The following TCF20 variants were observed in gnomAD, a reference collection of about 807,000 sequenced individuals.
TCF20 encodes the protein transcription factor 20, also known as SPRE-binding protein.
TCF20 carries 3 observed loss-of-function variants against 148.6 expected under a neutral mutation model. The observed-to-expected ratio is 0.02, with a 90% CI of 0.01 to 0.05. The LOEUF is 0.05. TCF20 is among the 10% of genes least tolerant of loss of function. TCF20 has a pLI of 1.00. For missense variants in TCF20, 2,350 were observed against 2,429.3 expected, an observed-to-expected ratio of 0.97 and a Z score of 0.69; for synonymous variants, 1,049 against 909.5, an observed-to-expected ratio of 1.15 and a Z score of -2.76.
intron 1 of TCF20, among the ~76,000 whole-genome samples, chr22:42,230,282 G>A (rs1368854334): frequency 2.6e-5 from 4 of 152,180 alleles, no homozygotes; most frequent in Non-Finnish European, 5.9e-5. Flanking sequence ...CTATTGCCTG[G>A]TGATGCTGTA....
chr22:42,240,555 G>A (rs1202606274), intron 1 of TCF20, among the ~76,000 whole-genome samples: 1 of 152,154 alleles, frequency 6.6e-6, no homozygotes, highest in Non-Finnish European at 1.5e-5. Flanking sequence ...TAACAAGATA[G>A]TGAGATATTA....
chr22:42,260,806 C>T (rs941995441), intron 1 of TCF20, among the ~76,000 whole-genome samples: 2 of 152,102 alleles, frequency 1.3e-5, no homozygotes, highest in African/African-American at 4.8e-5. Flanking sequence ...TTGAATATAA[C>T]GCGAACAGAA....
intron 5 of TCF20, 118 bp downstream of exon 5, chr22:42,168,491 C>T: frequency 5.8e-6 from 8 of 1,391,150 alleles, no homozygotes; most frequent in South Asian, 1.4e-5. Context: ...ATCCACCTGG[C>T]GTTGTCATCC....
chr22:42,216,575 A>G (rs1569156910), intron 1 of TCF20, among the ~76,000 whole-genome samples: 1 of 152,218 alleles, frequency 6.6e-6, no homozygotes, highest in Non-Finnish European at 1.5e-5. Flanking sequence ...GCCAGTGAAT[A>G]GCAGTGACTA....
intron 1 of TCF20, among the ~76,000 whole-genome samples, chr22:42,315,101 A>G (rs1480806459): frequency 6.6e-6 from 1 of 152,094 alleles, no homozygotes; most frequent in Non-Finnish European, 1.5e-5. Context: ...GAATGGTCTG[A>G]GGAGACCCAA....
At chr22:42,174,607 T>C (rs1202291701) in intron 3 of TCF20, among the ~76,000 whole-genome samples, 1 of 152,192 alleles carries the variant, frequency 6.6e-6, no homozygotes, top group African/African-American at 2.4e-5. Flanking sequence ...AATCCTCATA[T>C]ATAGCTGGGC....
At chr22:42,273,099 G>A (rs1601687082), upstream of TCF20, among the ~76,000 whole-genome samples, 2 of 151,966 alleles carry the variant, frequency 1.3e-5, no homozygotes, top group African/African-American at 4.8e-5. Context: ...AGTGGCTTAC[G>A]CCTGTAATCC....
intron 1 of TCF20, among the ~76,000 whole-genome samples, chr22:42,282,701 G>C (rs553928278): frequency 6.6e-6 from 1 of 152,216 alleles, no homozygotes; most frequent in Non-Finnish European, 1.5e-5. Context: ...CTGGGAGGGA[G>C]GCCGGAGAGC....
At chr22:42,300,637 G>A (rs1927320806) in intron 1 of TCF20, among the ~76,000 whole-genome samples, 1 of 152,146 alleles carries the variant, frequency 6.6e-6, no homozygotes, top group South Asian at 2.1e-4. Context: ...GCAGCCCAAG[G>A]GGCAGGGCTG....
intron 2 of TCF20, among the ~76,000 whole-genome samples, chr22:42,188,105 C>G (rs1199805642): frequency 6.6e-6 from 1 of 151,770 alleles, no homozygotes; most frequent in African/African-American, 2.4e-5. Flanking sequence ...ACCAGGCTGG[C>G]CAACACAGTG....
intron 1 of TCF20, among the ~76,000 whole-genome samples, chr22:42,243,172 GA>G (rs1211726237): frequency 6.6e-6 from 1 of 151,468 alleles, no homozygotes; most frequent in Non-Finnish European, 1.5e-5. Flanking sequence ...ATACAACAAA[GA>G]ATGAACTCAA....
At chr22:42,183,708 A>G (rs1936896760) in intron 2 of TCF20, among the ~76,000 whole-genome samples, 1 of 152,116 alleles carries the variant, frequency 6.6e-6, no homozygotes, top group Admixed American at 6.5e-5. Context: ...TGTTATGACA[A>G]TGATAGAAAA....
Position 42,216,079 on chromosome 22 carries a change from CTTTTTTTTT to C in TCF20, c.-36-747_-36-739del, listed in dbSNP as rs759118027. 4.0e-3 allele frequency among the ~76,000 whole-genome samples: 204 copies of C among 50,572 alleles called. 2 individuals carry two copies. The highest frequency in any genetic ancestry group is 4.3e-3 in the Non-Finnish European group (121 of 28,386). The allele number at this position is 50,572 out of a possible 152,430, so 33.2% of individuals were successfully genotyped here. On this transcript the variant is annotated intron_variant, in intron 1 of 5. Transcript: ENST00000677622. ...GGTGTGGGGTAAGAAAAACCAAATC[CTTTTTTTTT>C]TTTTTTTTTTTTTTTTTTTGAGACA...
intron 3 of TCF20, among the ~76,000 whole-genome samples, chr22:42,176,156 T>C (rs776843326): frequency 1.3e-5 from 2 of 152,258 alleles, no homozygotes; most frequent in African/African-American, 2.4e-5. Context: ...TCAAGCTGCC[T>C]TTCAGTCCAC....
chr22:42,236,428 G>C (rs1031735192), intron 1 of TCF20, among the ~76,000 whole-genome samples: 1 of 152,126 alleles, frequency 6.6e-6, no homozygotes, highest in East Asian at 1.9e-4. Context: ...AATTCACAAT[G>C]AAGAATGCCG....
intron 3 of TCF20, among the ~76,000 whole-genome samples, chr22:42,175,261 C>T (rs1213131064): frequency 6.6e-6 from 1 of 152,144 alleles, no homozygotes; most frequent in East Asian, 1.9e-4. Flanking sequence ...GAACTCCTGG[C>T]CTCAAGTGAT....
Position 42,211,891 on chromosome 22 carries a change from C to T in TCF20, c.3415G>A (p.Asp1139Asn). The change falls in exon 2 of 6, where the codon GAC becomes AAC. Residue 1139 changes from aspartate to asparagine, a missense_variant. Around this residue, in one of 7 missense-constraint regions of TCF20, gnomAD observed 1,641 missense variants for 1,662.6 expected, o/e 0.99. Coordinates refer to ENST00000677622, the MANE Select transcript of TCF20 (RefSeq NM_001378418.1). ...GGGCCATACATCATACCATCTTTGTCATTTTTCAGAGGGCTCCGTACTCTG... is the reference window on the plus strand; with the variant it reads ...GGGCCATACATCATACCATCTTTGTTATTTTTCAGAGGGCTCCGTACTCTG... ...LDRVRSPLKN[D>N]KDGMMYGPPV... 6.2e-7 allele frequency: 1 copy of T among 1,614,164 alleles called. No individual in the cohort carries two copies. Among genetic ancestry groups the T allele is most frequent in the Non-Finnish European group, 8.5e-7 (1 of 1,180,026 alleles).
At chr22:42,183,422 T>C (rs1368292339) in intron 2 of TCF20, among the ~76,000 whole-genome samples, 2 of 152,144 alleles carry the variant, frequency 1.3e-5, no homozygotes, top group African/African-American at 2.4e-5. Flanking sequence ...AAGCAAACGA[T>C]TCCCCCCCAG....
chr22:42,213,164 C>A lies in TCF20; in HGVS notation c.2142G>T (p.Gly714=), dbSNP rs769364963. 2 of 1,614,188 alleles carry A rather than the reference C, an allele frequency of 1.2e-6. No individual in the cohort carries two copies. The highest frequency in any genetic ancestry group is 3.3e-5 in the Admixed American group (2 of 60,024). Residue 714 remains glycine, a synonymous_variant, in exon 2 of 6, where the codon GGG becomes GGT. Coordinates refer to ENST00000677622, the MANE Select transcript of TCF20 (RefSeq NM_001378418.1). The part of the protein sequence containing the change: ...SLRYSYKDSF[G]SAVPRNVSGF... ...CACTGACATTTCGTGGCACGGCTGA[C>A]CCGAAACTATCTTTGTAACTATAGC...
Sources: gnomAD v4.1 joint callset for allele counts (sites outside exome capture counted in the v4.1 genomes callset) on GRCh38, gnomAD v4.1.1 for gene constraint, gnomAD v4.1.1 regional missense constraint, MANE v1.5 for transcripts, NCBI Gene and HGNC (gene_info 2026-07-23, HGNC 2026-07-21) for gene names.